SLC25A26: variants seen among roughly 807,000 people sequenced by gnomAD.
SLC25A26 encodes solute carrier family 25 member 26.
A neutral mutation model predicts 37.8 loss-of-function variants in SLC25A26; 36 were observed. The observed-to-expected ratio is 0.95, with a 90% confidence interval of 0.73 to 1.26. The LOEUF (loss-of-function observed/expected upper bound fraction) is 1.26, where lower values mean the gene tolerates loss of function less well. Ranked by LOEUF, SLC25A26 falls within the 50% of genes most tolerant of loss-of-function variation. The pLI, the probability that SLC25A26 is intolerant of heterozygous loss-of-function variation, is 0.00. For synonymous variants in SLC25A26, 129 were observed against 122.5 expected (o/e 1.05, Z -0.35); for missense variants, 390 against 331.1 (o/e 1.18, Z -1.38).
At chr3:66,331,928 T>TG (rs1553697361) in intron 5 of SLC25A26, among the ~76,000 whole-genome samples, 1 of 152,092 alleles carries the variant, frequency 6.6e-6, no homozygotes, top group African/African-American at 2.4e-5. Context: ...TTTTGTTTTT[T>TG]TTTGTTTGTT....
intron 1 of SLC25A26, among the ~76,000 whole-genome samples, chr3:66,161,416 G>A (rs964066613): frequency 6.6e-6 from 1 of 152,050 alleles, no homozygotes; most frequent in Non-Finnish European, 1.5e-5. Context: ...TTGACCCTGA[G>A]TCCCCTGGGA....
intron 5 of SLC25A26, among the ~76,000 whole-genome samples, chr3:66,336,606 G>C (rs1293914024): frequency 6.6e-6 from 1 of 152,124 alleles, no homozygotes; most frequent in South Asian, 2.1e-4. Context: ...CTACTGCCTG[G>C]CTATTTTCTT....
chr3:66,362,793 A>G, intron 6 of SLC25A26, 67 bp from the exon 7 acceptor site: 2 of 1,117,266 alleles, frequency 1.8e-6, no homozygotes, highest in East Asian at 2.8e-5. Flanking sequence ...CCCAGAGCTA[A>G]CCCACAGGAG....
At chr3:66,141,915 T>G (rs1328919716) in intron 1 of SLC25A26, among the ~76,000 whole-genome samples, 1 of 152,136 alleles carries the variant, frequency 6.6e-6, no homozygotes, top group Non-Finnish European at 1.5e-5. Flanking sequence ...TGGCAGAGAG[T>G]TCTGAAACAA....
chr3:66,263,296 A>G (rs773179414), intron 4 of SLC25A26, 36 bp from the exon 5 acceptor site: 3 of 1,558,038 alleles, frequency 1.9e-6, no homozygotes, highest in South Asian at 1.1e-5. Flanking sequence ...AATCTCTGCC[A>G]TTCTTTCTGA....
chr3:66,250,213 A>G (rs1348983365), intron 3 of SLC25A26, among the ~76,000 whole-genome samples: 4 of 152,186 alleles, frequency 2.6e-5, no homozygotes, highest in Non-Finnish European at 5.9e-5. Context: ...TGTTCAGCTC[A>G]TCTTAGATTC....
chr3:66,223,190 T>C (rs925110695), intron 1 of SLC25A26, among the ~76,000 whole-genome samples: 1 of 152,210 alleles, frequency 6.6e-6, no homozygotes, highest in African/African-American at 2.4e-5. Context: ...TTGGTGAACC[T>C]CTTAGATGGA....
At chr3:66,316,299 A>T (rs1016194572) in intron 5 of SLC25A26, among the ~76,000 whole-genome samples, 1 of 152,138 alleles carries the variant, frequency 6.6e-6, no homozygotes, top group African/African-American at 2.4e-5. Context: ...AACTCTTGCA[A>T]GGCAGGCTTG....
intron 1 of SLC25A26, among the ~76,000 whole-genome samples, chr3:66,204,799 T>A (rs1346477539): frequency 6.6e-6 from 1 of 152,178 alleles, no homozygotes; most frequent in Non-Finnish European, 1.5e-5. Flanking sequence ...CTGCCGTGTG[T>A]ACAGTAGGCA....
At chr3:66,274,403 A>G (rs1323371092) in intron 5 of SLC25A26, among the ~76,000 whole-genome samples, 1 of 151,788 alleles carries the variant, frequency 6.6e-6, no homozygotes, top group Non-Finnish European at 1.5e-5. Context: ...GACAAATGGG[A>G]TCTAATTAAA....
intron 1 of SLC25A26, among the ~76,000 whole-genome samples, chr3:66,206,559 T>A (rs1177811723): frequency 6.6e-6 from 1 of 152,230 alleles, no homozygotes; most frequent in African/African-American, 2.4e-5. Context: ...CTGTTTCTTT[T>A]ATAAGAAAAT....
chr3:66,357,726 A>G (rs983888217), intron 6 of SLC25A26, among the ~76,000 whole-genome samples: 13 of 151,706 alleles, frequency 8.6e-5, no homozygotes, highest in African/African-American at 3.2e-4. Flanking sequence ...AAAAAAAAAA[A>G]CTTTTGTAAA....
upstream of SLC25A26, among the ~76,000 whole-genome samples, chr3:66,219,716 C>T (rs2071418126): frequency 6.6e-6 from 1 of 152,116 alleles, no homozygotes; most frequent in Admixed American, 6.6e-5. Context: ...TGGACTGTCT[C>T]CATTGGCAGC....
At chr3:66,230,530 G>C (rs142613822) in intron 1 of SLC25A26, among the ~76,000 whole-genome samples, 2 of 151,880 alleles carry the variant, frequency 1.3e-5, no homozygotes, top group Admixed American at 6.6e-5. Context: ...TAGGCCGGGC[G>C]TGGTGGCTTA....
chr3:66,221,160 A>G, intron 1 of SLC25A26, 33 bp downstream of exon 1: 5 of 1,498,142 alleles, frequency 3.3e-6, no homozygotes, highest in Non-Finnish European at 8.8e-7. Context: ...GGTTGCTCAG[A>G]GTGCCGGCGT....
intron 1 of SLC25A26, among the ~76,000 whole-genome samples, chr3:66,231,630 T>G (rs557451406): frequency 6.6e-6 from 1 of 152,202 alleles, no homozygotes; most frequent in East Asian, 1.9e-4. Context: ...TGTTCCAGAC[T>G]TCTAATTATG....
intron 5 of SLC25A26, among the ~76,000 whole-genome samples, chr3:66,293,898 A>G (rs1405332068): frequency 6.6e-6 from 1 of 152,276 alleles, no homozygotes; most frequent in Non-Finnish European, 1.5e-5. Context: ...CTTTGGGTAT[A>G]TACTCAGTAA....
At chr3:66,261,558 T>G (rs2073528220) in intron 3 of SLC25A26, 1 of 154,580 alleles carries the variant, frequency 6.5e-6, no homozygotes, top group South Asian at 2.0e-4. Context: ...GGAGTCCCTT[T>G]TCAGTTGCTG....
At chr3:66,306,053 T>A (rs992300251) in intron 5 of SLC25A26, among the ~76,000 whole-genome samples, 26 of 152,222 alleles carry the variant, frequency 1.7e-4, no homozygotes, top group Admixed American at 1.1e-3. Context: ...GGCACTAACA[T>A]GACTCACTTT....
Sources: allele counts gnomAD v4.1 joint callset (sites outside exome capture counted in the v4.1 genomes callset), GRCh38; gene constraint gnomAD v4.1.1; transcripts MANE v1.5; gene names NCBI Gene and HGNC (gene_info 2026-07-23, HGNC 2026-07-21).